Variants in ENTPD4 observed in about 807,000 individuals in gnomAD.
ENTPD4 encodes ectonucleoside triphosphate diphosphohydrolase 4.
Under a neutral mutation model 79.1 loss-of-function variants are expected in ENTPD4, and 60 were observed. That is an observed-to-expected ratio of 0.76 (90% confidence interval 0.62 to 0.94). The LOEUF (loss-of-function observed/expected upper bound fraction) is 0.94, where lower values mean the gene tolerates loss of function less well. Ranked by LOEUF, ENTPD4 falls within the 40% of genes least tolerant of loss-of-function variation. ENTPD4 has a pLI of 0.00. For missense variants in ENTPD4, 772 were observed against 775.1 expected (o/e 1.00, Z 0.05); for synonymous variants, 276 against 292.0 (o/e 0.95, Z 0.56).
chr8:23,453,214 C>T (rs371988460), intron 1 of ENTPD4, among the ~76,000 whole-genome samples: 49 of 152,110 alleles, frequency 3.2e-4, no homozygotes, highest in Non-Finnish European at 6.0e-4. Flanking sequence ...ATATGGTGTC[C>T]ATATTGTACC....
chr8:23,447,682 G>A lies in ENTPD4; in HGVS notation c.410C>T (p.Pro137Leu), dbSNP rs760012137. 74 of 1,612,356 alleles carry A rather than the reference G, an allele frequency of 4.6e-5. No individual in the cohort carries two copies. Among genetic ancestry groups the A allele is most frequent in the Non-Finnish European group, 5.9e-5 (70 of 1,178,582 alleles). ...GGCAGATGTTCTCATTTACATACCC[G>A]GTTTTATCTTCATGACCACTGGCTT... ...NRKPVVMKIKPGISEFATSPE... is the reference protein window; with the variant it reads ...NRKPVVMKIKLGISEFATSPE... Residue 137 changes from proline (P) to leucine (L), a missense_variant and splice_region_variant, in exon 4 of 13, where the codon CCG becomes CTG. Transcript: ENST00000358689.
intron 1 of ENTPD4, among the ~76,000 whole-genome samples, chr8:23,454,677 G>A (rs561743488): frequency 5.9e-5 from 9 of 152,230 alleles, no homozygotes; most frequent in African/African-American, 2.2e-4. Context: ...AGCGCACTTA[G>A]GAAACTTTGT....
intron 1 of ENTPD4, among the ~76,000 whole-genome samples, 157 bp from the exon 2 acceptor site, chr8:23,450,154 T>C (rs541122530): frequency 6.6e-6 from 1 of 152,332 alleles, no homozygotes; most frequent in South Asian, 2.1e-4. Context: ...CACTTCTAAG[T>C]TAATTTCATA....
At chr8:23,436,197 G>T (rs1438112906) in intron 10 of ENTPD4, among the ~76,000 whole-genome samples, 2 of 152,196 alleles carry the variant, frequency 1.3e-5, no homozygotes, top group African/African-American at 4.8e-5. Flanking sequence ...CATGATTACA[G>T]CATACAGTGC....
Position 23,447,786 on chromosome 8 carries a change from T to C in ENTPD4, c.306A>G (p.Val102=), listed in dbSNP as rs1800787434. The C allele has an allele frequency of 6.2e-7, 1 of 1,614,166 alleles. No homozygotes were observed. The highest frequency in any genetic ancestry group is 8.5e-7 in the Non-Finnish European group (1 of 1,179,982). Residue 102 remains valine, a synonymous_variant, in exon 4 of 13, where the codon GTA becomes GTG. Transcript: ENST00000358689. ...VVDCGSSGSR[V]FVYCWPRHNG... is the part of the protein sequence containing the mutation. ...TATGCCTTGGCCAGCAGTAAACAAA[T>C]ACTCGAGACCCACTGCTACCACAGT...
At position 23,432,475 on chromosome 8, in the gene ENTPD4, T is replaced by C; in HGVS notation, c.*451A>G. ...TACTCAAAATGGCTAAACGCAATAC[T>C]TCTAGACAGCAGGGCTTATAAACAA... On this transcript the variant is annotated 3_prime_UTR_variant, in exon 13 of 13. Coordinates refer to ENST00000358689, the MANE Select transcript of ENTPD4 (RefSeq NM_004901.5). The C allele has an allele frequency of 1.0e-6, 1 of 989,386 alleles. No homozygotes were observed. The highest frequency in any genetic ancestry group is 4.6e-5 in the South Asian group (1 of 21,640). The allele number at this position is 989,386 out of a possible 1,614,324, so 61.3% of individuals were successfully genotyped here.
At chr8:23,443,689 T>G (rs1800712471) in intron 6 of ENTPD4, among the ~76,000 whole-genome samples, 161 bp downstream of exon 6, 2 of 152,206 alleles carry the variant, frequency 1.3e-5, no homozygotes, top group South Asian at 4.1e-4. Flanking sequence ...AGACTAGTCA[T>G]ATAAGAAACT....
intron 7 of ENTPD4, 36 bp downstream of exon 7, chr8:23,441,970 TC>T (rs1387988933): frequency 1.3e-6 from 2 of 1,569,930 alleles, no homozygotes; most frequent in African/African-American, 2.7e-5. Flanking sequence ...AGCACCAATT[TC>T]CAACTAGATA....
At chr8:23,453,503 C>T (rs1396246960) in intron 1 of ENTPD4, among the ~76,000 whole-genome samples, 3 of 152,032 alleles carry the variant, frequency 2.0e-5, no homozygotes, top group African/African-American at 7.2e-5. Flanking sequence ...AAAGACTGAA[C>T]AGAAAAATGA....
In ENTPD4 at chr8:23,437,219, C is replaced by T. The variant is rs35942025; in HGVS notation, c.1089G>A (p.Pro363=). The T allele has an allele frequency of 2.3e-3, 3,659 of 1,613,688 alleles. 50 individuals carry two copies. In the African/African-American group the frequency reaches 0.032, roughly 14 times the overall value. Residue 363 remains proline (P), a synonymous_variant, in exon 10 of 13, where the codon CCG becomes CCA. Transcript: ENST00000358689. The part of the protein sequence containing the change: ...GKQTGLTPDM[P]YLDPCLPLDI... ...CTAGGGGTAGGCAGGGGTCCAAGTA[C>T]GGCATATCAGGAGTCAGACCAGTCT... is the stretch of plus-strand genomic sequence containing the variant.
chr8:23,431,000 G>A lies in ENTPD4; in HGVS notation c.*1926C>T, dbSNP rs2117268984. The stretch of plus-strand genomic sequence containing the variant: ...GCAGAGCCTGGGTCCCCAGGCTGCT[G>A]GTAACACGCTTTGAAATCCAGGTGA... On this transcript the variant is annotated 3_prime_UTR_variant, in exon 13 of 13. Coordinates refer to ENST00000358689, the MANE Select transcript of ENTPD4 (RefSeq NM_004901.5). 4.6e-5 allele frequency: 45 copies of A among 983,072 alleles called. No individual in the cohort carries two copies. Among genetic ancestry groups the A allele is most frequent in the Non-Finnish European group, 5.4e-5 (45 of 827,802 alleles). The allele number at this position is 983,072 out of a possible 1,614,324, so 60.9% of individuals were successfully genotyped here. A position where few individuals can be genotyped will look rare whatever the true frequency, so the allele number is the denominator to read the frequency against.
At chr8:23,434,585 G>A (rs1800522617) in intron 11 of ENTPD4, 107 bp from the exon 12 acceptor site, 4 of 1,530,574 alleles carry the variant, frequency 2.6e-6, no homozygotes, top group Non-Finnish European at 3.5e-6. Context: ...CTTGGGGCAG[G>A]GGCTTCCTCA....
chr8:23,436,856 G>A, intron 10 of ENTPD4, 78 bp downstream of exon 10: 1 of 1,133,170 alleles, frequency 8.8e-7, no homozygotes, highest in Non-Finnish European at 1.3e-6. Flanking sequence ...CTGTCAATGT[G>A]AAAGGAGGAC....
Position 23,431,041 on chromosome 8 carries a change from A to T in ENTPD4, c.*1885T>A, listed in dbSNP as rs887889923. 23 of 904,112 alleles carry T rather than the reference A, an allele frequency of 2.5e-5. No homozygotes were observed. Among genetic ancestry groups the T allele is most frequent in the African/African-American group, 3.6e-5 (2 of 55,580 alleles). The allele number at this position is 904,112 out of a possible 1,614,324, so 56.0% of individuals were successfully genotyped here. A position where few individuals can be genotyped will look rare whatever the true frequency, so the allele number is the denominator to read the frequency against. ...ATCCAGGTGAGGGAGCCATGCCCCC[A>T]CAGCTCTTGCCTCAAGGATCAGATG... On this transcript the variant is annotated 3_prime_UTR_variant, in exon 13 of 13. Coordinates refer to ENST00000358689, the MANE Select transcript of ENTPD4 (RefSeq NM_004901.5).
rs1386257449 is a variant in ENTPD4, at chr8:23,433,137, G to A, written c.1640C>T (p.Ala547Val). ...FLPLRDIQQEAFRASHTHWRG... is the reference protein window; with the variant it reads ...FLPLRDIQQEVFRASHTHWRG... ...CCAGTGGGTGTGACTGGCTCGGAAG[G>A]CCTCCTGCTGGATGTCTCTGCCCAT... Residue 547 changes from alanine (A) to valine (V), a missense_variant, in exon 13 of 13, where the codon GCC becomes GTC. Coordinates refer to ENST00000358689, the MANE Select transcript of ENTPD4 (RefSeq NM_004901.5). The A allele has an allele frequency of 5.6e-6, 9 of 1,614,026 alleles. No individual in the cohort carries two copies. The African/African-American group carries it at 9.3e-5, about 17-fold the overall frequency.
At position 23,437,070 on chromosome 8, in the gene ENTPD4, A is replaced by G; in HGVS notation, c.1238T>C (p.Leu413Pro). ...AATTGGGGGCTGGTAGACCCCATTG[A>G]GGGAAGTCTGGGTCTCGTTTGTTTT... The part of the protein sequence containing the change: ...MNKTNETQTS[L>P]NGVYQPPIHF... The change falls in exon 10 of 13, where the codon CTC becomes CCC. Residue 413 changes from leucine to proline, a missense_variant. By Grantham distance (98) the Leu-to-Pro change is moderately conservative. Transcript: ENST00000358689. 1 of 1,614,190 alleles carries G rather than the reference A, an allele frequency of 6.2e-7. No homozygotes were observed. The highest frequency in any genetic ancestry group is 2.2e-5 in the East Asian group (1 of 44,890).
At position 23,436,944 on chromosome 8, in the gene ENTPD4, T is replaced by C; in HGVS notation, c.1364A>G (p.Lys455Arg). The C allele has an allele frequency of 6.3e-7, 1 of 1,589,778 alleles. No homozygotes were observed. Among genetic ancestry groups the C allele is most frequent in the Non-Finnish European group, 8.6e-7 (1 of 1,167,186 alleles). The change falls in exon 10 of 13, where the codon AAA (lysine) becomes AGA (arginine). Residue 455 changes from lysine to arginine, a missense_variant. Coordinates refer to ENST00000358689, the MANE Select transcript of ENTPD4 (RefSeq NM_004901.5). ...GGDYNAAKFT[K>R]AAKDYCATKW... ...GTCTCTCAAGGGTACCTTTGCAGCT[T>C]TAGTAAATTTAGCAGCATTGTAGTC...
In ENTPD4 at chr8:23,429,416, G is replaced by A; in HGVS notation, c.*3510C>T. On this transcript the variant is annotated 3_prime_UTR_variant, in exon 13 of 13. Coordinates refer to ENST00000358689, the MANE Select transcript of ENTPD4 (RefSeq NM_004901.5). ...TTGGTCACATCATTCATTATTGAAA[G>A]GGAAACTTAGTATCAAAAGAAACAA... The A allele has an allele frequency of 1.0e-6, 1 of 985,030 alleles. No homozygotes were observed. Among genetic ancestry groups the A allele is most frequent in the Non-Finnish European group, 1.2e-6 (1 of 829,612 alleles). 61.0% of individuals were successfully genotyped at this position (985,030 alleles called of 1,614,324 possible). A position where few individuals can be genotyped will look rare whatever the true frequency, so the allele number is the denominator to read the frequency against.
chr8:23,434,154 G>C, intron 12 of ENTPD4, 163 bp downstream of exon 12: 1 of 813,288 alleles, frequency 1.2e-6, no homozygotes, highest in Non-Finnish European at 2.0e-6. Flanking sequence ...AAGCACTTGT[G>C]GGGAGGGGGC....
Sources: gnomAD v4.1 joint callset for allele counts (sites outside exome capture counted in the v4.1 genomes callset) on GRCh38, gnomAD v4.1.1 for gene constraint, MANE v1.5 for transcripts, NCBI Gene and HGNC (gene_info 2026-07-23, HGNC 2026-07-21) for gene names.